Variants in HPSE2 observed in about 807,000 individuals in gnomAD.
HPSE2 encodes the protein inactive heparanase-2.
In HPSE2, 38 loss-of-function variants were observed where a neutral mutation model predicts 60.5. The observed-to-expected ratio is 0.63, with a 90% CI of 0.48 to 0.82. The LOEUF is 0.82. Ranked by LOEUF, HPSE2 falls within the 40% of genes least tolerant of loss-of-function variation. The probability of loss-of-function intolerance (pLI) is 0.00; values close to 1 mark genes in which losing one functional copy is unlikely to be tolerated. For synonymous variants in HPSE2, 295 were observed against 293.2 expected, an observed-to-expected ratio of 1.01 and a Z score of -0.06; for missense variants, 713 against 740.4, an observed-to-expected ratio of 0.96 and a Z score of 0.43.
intron 11 of HPSE2, among the ~76,000 whole-genome samples, chr10:98,463,581 C>A (rs922621940): frequency 5.9e-5 from 9 of 151,652 alleles, no homozygotes; most frequent in African/African-American, 1.5e-4. Context: ...GCAGGAGGAT[C>A]ACTTGAGTCC....
At chr10:98,896,906 T>C (rs532619636) in intron 3 of HPSE2, among the ~76,000 whole-genome samples, 98 of 152,132 alleles carry the variant, frequency 6.4e-4, no homozygotes, top group African/African-American at 2.2e-3. Context: ...CAAGGAGAAA[T>C]AGGTAATCTG....
At chr10:99,245,704 T>C in the HPSE2 span, among the ~76,000 whole-genome samples, 1 of 152,258 alleles carries the variant, frequency 6.6e-6, no homozygotes, top group East Asian at 1.9e-4. Flanking sequence ...TGGGCCACTC[T>C]GGAGACTGAT....
chr10:99,117,682 T>A (rs1334076595), intron 3 of HPSE2, among the ~76,000 whole-genome samples: 1 of 152,066 alleles, frequency 6.6e-6, no homozygotes, highest in African/African-American at 2.4e-5. Context: ...ATGGAATTCA[T>A]GAACAGACCA....
intron 7 of HPSE2, among the ~76,000 whole-genome samples, chr10:98,623,254 A>G (rs1946120339): frequency 6.6e-6 from 1 of 152,188 alleles, no homozygotes; most frequent in African/African-American, 2.4e-5. Context: ...ATTTATATGA[A>G]ATGTTCGGAA....
At chr10:99,124,821 G>A (rs1845101880) in intron 3 of HPSE2, among the ~76,000 whole-genome samples, 1 of 152,242 alleles carries the variant, frequency 6.6e-6, no homozygotes, top group Non-Finnish European at 1.5e-5. Flanking sequence ...TGTCTGGAAA[G>A]ATGGGGCTCC....
At chr10:98,467,590 T>C (rs1026127224) in intron 11 of HPSE2, among the ~76,000 whole-genome samples, 2 of 152,032 alleles carry the variant, frequency 1.3e-5, no homozygotes, top group African/African-American at 4.8e-5. Context: ...CTCCCTTTCC[T>C]CCAGTGTGCT....
chr10:99,242,630 A>C, the HPSE2 span, among the ~76,000 whole-genome samples: 1 of 152,210 alleles, frequency 6.6e-6, no homozygotes, highest in Non-Finnish European at 1.5e-5. Context: ...TTTGCCATTT[A>C]TACATTCAGG....
At position 98,781,287 on chromosome 10, in the gene HPSE2, CT is replaced by C. The variant is rs1247238028; in HGVS notation, c.611-37232del. ...AAGAAAAACACCCATATATCCACTTCTTTTTTTTTTTTTTTTTTTATTTTTA... is the reference window on the plus strand; with the variant it reads ...AAGAAAAACACCCATATATCCACTTCTTTTTTTTTTTTTTTTTTATTTTTA... On this transcript the variant is annotated intron_variant, in intron 3 of 11. Coordinates refer to ENST00000370552, the MANE Select transcript of HPSE2 (RefSeq NM_021828.5). Among the ~76,000 whole-genome samples, 794 of 132,612 alleles carry C rather than the reference CT, an allele frequency of 6.0e-3. 7 individuals are homozygous for C. Among genetic ancestry groups the C allele is most frequent in the African/African-American group, 0.015 (518 of 33,632 alleles). 87.0% of individuals were successfully genotyped at this position (132,612 alleles called of 152,430 possible).
intron 3 of HPSE2, among the ~76,000 whole-genome samples, chr10:98,917,481 T>G (rs1057172146): frequency 6.6e-6 from 1 of 152,226 alleles, no homozygotes; most frequent in Non-Finnish European, 1.5e-5. Context: ...AAATCAATCC[T>G]GAAATAGGAC....
intron 3 of HPSE2, among the ~76,000 whole-genome samples, chr10:99,017,882 G>A (rs1957177914): frequency 6.6e-6 from 1 of 152,102 alleles, no homozygotes; most frequent in South Asian, 2.1e-4. Flanking sequence ...CTTAGGCACT[G>A]TCCTGAAATA....
At chr10:98,830,210 G>A (rs1451589022) in intron 3 of HPSE2, among the ~76,000 whole-genome samples, 1 of 152,220 alleles carries the variant, frequency 6.6e-6, no homozygotes, top group Non-Finnish European at 1.5e-5. Flanking sequence ...TGAGGCATAT[G>A]CAGTCCCTGT....
intron 3 of HPSE2, among the ~76,000 whole-genome samples, chr10:99,097,573 G>T (rs1843761857): frequency 6.6e-6 from 1 of 151,832 alleles, no homozygotes; most frequent in African/African-American, 2.4e-5. Context: ...TATTTTACAT[G>T]GTTGCAAACT....
intron 7 of HPSE2, among the ~76,000 whole-genome samples, chr10:98,621,434 G>A (rs896296351): frequency 2.6e-5 from 4 of 152,230 alleles, no homozygotes; most frequent in Non-Finnish European, 2.9e-5. Flanking sequence ...GGCTGCAATC[G>A]GCACTTAGGA....
chr10:98,779,778 C>G (rs1438280988), intron 3 of HPSE2, among the ~76,000 whole-genome samples: 1 of 152,008 alleles, frequency 6.6e-6, no homozygotes, highest in Admixed American at 6.6e-5. Flanking sequence ...ATAAGACAGT[C>G]CCTAATTTCT....
intron 4 of HPSE2, among the ~76,000 whole-genome samples, chr10:98,724,215 G>A (rs372816598): frequency 3.6e-4 from 54 of 151,842 alleles, no homozygotes; most frequent in Non-Finnish European, 5.9e-4. Flanking sequence ...CCTTCATTTC[G>A]TTATGTACCC....
chr10:98,992,934 T>C (rs991200279), intron 3 of HPSE2, among the ~76,000 whole-genome samples: 3 of 152,208 alleles, frequency 2.0e-5, no homozygotes, highest in Non-Finnish European at 4.4e-5. Flanking sequence ...ACAATGGGGA[T>C]AATAGTTATG....
chr10:99,184,817 TATA>T (rs1847931660), intron 2 of HPSE2, among the ~76,000 whole-genome samples: 1 of 17,196 alleles, frequency 5.8e-5, no homozygotes, highest in African/African-American at 1.3e-4. Flanking sequence ...TATATATATA[TATA>T]GAGAGAGAGA....
chr10:98,713,036 G>A (rs184518734), intron 5 of HPSE2, among the ~76,000 whole-genome samples: 21 of 152,080 alleles, frequency 1.4e-4, no homozygotes, highest in East Asian at 9.7e-4. Context: ...GAATTACTTC[G>A]CTAGATGACT....
chr10:99,112,139 T>C (rs1003433702), intron 3 of HPSE2, among the ~76,000 whole-genome samples: 1 of 152,212 alleles, frequency 6.6e-6, no homozygotes, highest in South Asian at 2.1e-4. Flanking sequence ...GCGAAGCAAA[T>C]GGCAAAGCTA....
Sources: gnomAD v4.1 joint callset for allele counts (sites outside exome capture counted in the v4.1 genomes callset) on GRCh38, gnomAD v4.1.1 for gene constraint, MANE v1.5 for transcripts, NCBI Gene and HGNC (gene_info 2026-07-23, HGNC 2026-07-21) for gene names.